The following ENTPD5 variants were observed in gnomAD, a reference collection of about 807,000 sequenced individuals.
ENTPD5 encodes the protein ectonucleoside triphosphate diphosphohydrolase 5 (inactive), also known as nucleoside diphosphate phosphatase ENTPD5.
A neutral mutation model predicts 60.2 loss-of-function variants in ENTPD5; 49 were observed. That is an observed-to-expected ratio of 0.81 (90% CI 0.65 to 1.03). The LOEUF (loss-of-function observed/expected upper bound fraction) is 1.03. Ranked by LOEUF, ENTPD5 falls within the 50% of genes least tolerant of loss-of-function variation. The pLI, the probability that ENTPD5 is intolerant of heterozygous loss-of-function variation, is 0.00. For synonymous variants in ENTPD5, 187 were observed against 185.4 expected (o/e 1.01, Z -0.07); for missense variants, 480 against 507.6 (o/e 0.95, Z 0.52).
chr14:73,983,160 C>T lies in ENTPD5; in HGVS notation c.299G>A (p.Gly100Asp). 2 of 1,611,886 alleles carry T rather than the reference C, an allele frequency of 1.2e-6. No homozygotes were observed. The highest frequency in any genetic ancestry group is 1.7e-6 in the Non-Finnish European group (2 of 1,178,988). The change falls in exon 6 of 16, where the codon GGT (glycine) becomes GAT (aspartate). Residue 100 changes from glycine (G) to aspartate (D), a missense_variant and splice_region_variant. Transcript: ENST00000334696. Reference protein sequence around the residue: ...LSAFVDQPKQGAETVQGLLEV... With the variant: ...LSAFVDQPKQDAETVQGLLEV... ...TAAGAGCCCTTGAACGGTCTCAGCA[C>T]CCTTCAAAAGAGATAACCCGTTCAT...
chr14:73,983,694 AT>A (rs199685639), intron 5 of ENTPD5, among the ~76,000 whole-genome samples: 3 of 120,356 alleles, frequency 2.5e-5, no homozygotes, highest in East Asian at 6.6e-4. Context: ...TATTATTATT[AT>A]TTTTTTTGGG....
At chr14:73,979,533 G>A (rs1219070497) in intron 6 of ENTPD5, among the ~76,000 whole-genome samples, 2 of 148,444 alleles carry the variant, frequency 1.3e-5, no homozygotes, top group African/African-American at 2.5e-5. Flanking sequence ...GTGCAGTGGC[G>A]CCATCTCAGC....
chr14:74,000,235 T>C (rs75822686), intron 3 of ENTPD5, among the ~76,000 whole-genome samples: 19,694 of 151,134 alleles, frequency 0.13, 1,969 homozygotes, highest in East Asian at 0.59. Context: ...GGCAGGCAGA[T>C]TGCTTGAGCT....
At chr14:74,002,315 G>C (rs2058536342) in intron 3 of ENTPD5, among the ~76,000 whole-genome samples, 1 of 152,140 alleles carries the variant, frequency 6.6e-6, no homozygotes, top group African/African-American at 2.4e-5. Context: ...GACAGATATG[G>C]GAGTGGGGAG....
chr14:74,007,869 C>T (rs1368829541), intron 3 of ENTPD5: 1 of 146,004 alleles, frequency 6.8e-6, no homozygotes, highest in Admixed American at 6.9e-5. Context: ...CTCACTCTGT[C>T]ACTGAGGCTG....
intron 3 of ENTPD5, among the ~76,000 whole-genome samples, chr14:73,991,719 C>T (rs1233361187): frequency 1.3e-5 from 2 of 151,452 alleles, no homozygotes; most frequent in East Asian, 1.9e-4. Context: ...TAGCACATCC[C>T]GCCCCTCCAC....
intron 5 of ENTPD5, among the ~76,000 whole-genome samples, chr14:73,984,542 T>A (rs2057821567): frequency 6.6e-6 from 1 of 152,190 alleles, no homozygotes; most frequent in Non-Finnish European, 1.5e-5. Context: ...TTAAATCCAC[T>A]ATTTCCCTGA....
intron 6 of ENTPD5, among the ~76,000 whole-genome samples, chr14:73,979,717 C>T (rs533886665): frequency 6.6e-6 from 1 of 152,250 alleles, no homozygotes; most frequent in Middle Eastern, 3.4e-3. Context: ...GTGATCCACC[C>T]GCCTTGGCCT....
At position 73,974,900 on chromosome 14, in the gene ENTPD5, C is replaced by T. The variant is rs372944383; in HGVS notation, c.784+24G>A. 9.4e-6 allele frequency: 15 copies of T among 1,602,650 alleles called. No individual in the cohort carries two copies. In the African/African-American group the frequency reaches 9.4e-5, roughly 10 times the overall value. On this transcript the variant is annotated intron_variant, in intron 11 of 15. Coordinates refer to ENST00000334696, the MANE Select transcript of ENTPD5 (RefSeq NM_001249.5). ...ATCTGTGTCACCCTCACCATCCCCC[C>T]CCAGCACAGGTACCCAGACAAACCT...
At chr14:73,969,211 C>T (rs8015274) in intron 15 of ENTPD5, among the ~76,000 whole-genome samples, 2,761 of 152,272 alleles carry the variant, frequency 0.018, 81 homozygotes, top group African/African-American at 0.063. Flanking sequence ...CTCCCATGAC[C>T]GAACTTCAGC....
downstream of ENTPD5, chr14:73,960,569 G>T: frequency 7.8e-6 from 8 of 1,025,172 alleles, no homozygotes; most frequent in Non-Finnish European, 9.4e-6. Context: ...CCTGGCACAG[G>T]TCTAGGTCCT....
chr14:73,972,945 CTG>C lies in ENTPD5; in HGVS notation c.964_965del (p.Gln322GlufsTer12), dbSNP rs769197530. The C allele has an allele frequency of 9.3e-6, 15 of 1,614,116 alleles. No individual in the cohort carries two copies. The African/African-American group carries it at 2.0e-4, about 22-fold the overall frequency. ...RGKLHQPEEVQRGSFYAFSYY... is the reference protein window; with the variant it reads ...RGKLHQPEEVXRGSFYAFSYY... ...AAGAGAAAGCATAGAAGGAACCTCT[CTG>C]GACCTCCTCTGGCTGGTGAAGTTTT... is the stretch of plus-strand genomic sequence containing the variant. On this transcript the variant is annotated frameshift_variant, in exon 13 of 16. Transcript: ENST00000334696. LOFTEE classifies it high-confidence loss of function.
chr14:73,961,902 A>G (rs775172574), downstream of ENTPD5: 2 of 1,614,128 alleles, frequency 1.2e-6, no homozygotes, highest in African/African-American at 1.3e-5. Flanking sequence ...TCTCCACTCA[A>G]AGTAAGAGGT....
intron 3 of ENTPD5, among the ~76,000 whole-genome samples, chr14:74,002,658 G>T (rs957285408): frequency 3.3e-5 from 5 of 151,966 alleles, no homozygotes; most frequent in African/African-American, 1.2e-4. Flanking sequence ...TACCACCTTC[G>T]CCCAAGCCAC....
At chr14:73,981,103 A>T (rs1041039643) in intron 6 of ENTPD5, among the ~76,000 whole-genome samples, 2 of 151,872 alleles carry the variant, frequency 1.3e-5, no homozygotes, top group African/African-American at 4.8e-5. Context: ...CGCCTCTCAA[A>T]AAATAAATAA....
chr14:74,012,514 C>T (rs41435451), intron 2 of ENTPD5, among the ~76,000 whole-genome samples: 20,822 of 152,190 alleles, frequency 0.14, 2,006 homozygotes, highest in East Asian at 0.57. Flanking sequence ...TCTCATCACT[C>T]TGCTTCTCAA....
chr14:73,968,748 G>C (rs893598335), intron 15 of ENTPD5, among the ~76,000 whole-genome samples: 4 of 152,094 alleles, frequency 2.6e-5, no homozygotes, highest in Non-Finnish European at 5.9e-5. Flanking sequence ...TTCTACATAA[G>C]TTTTTGTTGG....
chr14:73,956,013 T>C, downstream of ENTPD5: 1 of 1,583,094 alleles, frequency 6.3e-7, no homozygotes, highest in East Asian at 2.2e-5. Context: ...TTTACAATAT[T>C]CAGTGTCCAC....
At chr14:73,967,071 A>G in intron 15 of ENTPD5, 57 bp from the exon 16 acceptor site, 1 of 1,464,120 alleles carries the variant, frequency 6.8e-7, no homozygotes, top group Non-Finnish European at 9.6e-7. Context: ...TCTAGCAAGC[A>G]CAGCTCTTGG....
Sources: gnomAD v4.1 joint callset for allele counts (sites outside exome capture counted in the v4.1 genomes callset) on GRCh38, gnomAD v4.1.1 for gene constraint, MANE v1.5 for transcripts, NCBI Gene and HGNC (gene_info 2026-07-23, HGNC 2026-07-21) for gene names.